Variants in PRDM15 observed in about 807,000 individuals in gnomAD.
PRDM15 encodes PR/SET domain 15.
Under a neutral mutation model 128.6 loss-of-function variants are expected in PRDM15, and 64 were observed. That is an observed-to-expected ratio of 0.50 (90% CI 0.41 to 0.61). The LOEUF (loss-of-function observed/expected upper bound fraction) is 0.61. Ranked by LOEUF, PRDM15 falls within the 20% of genes least tolerant of loss-of-function variation. The pLI, the probability that PRDM15 is intolerant of heterozygous loss-of-function variation, is 0.00. For synonymous variants in PRDM15, 615 were observed against 621.8 expected (o/e 0.99, Z 0.16); for missense variants, 1,242 against 1,569.1 (o/e 0.79, Z 3.52).
intron 5 of PRDM15, among the ~76,000 whole-genome samples, 192 bp from the exon 6 acceptor site, chr21:41,847,383 G>T (rs933374330): frequency 6.6e-6 from 1 of 152,118 alleles, no homozygotes; most frequent in South Asian, 2.1e-4. Flanking sequence ...TGATACGGTC[G>T]TGTGACTGTC....
chr21:41,865,094 AC>A (rs1164989190), intron 1 of PRDM15, among the ~76,000 whole-genome samples: 4 of 71,016 alleles, frequency 5.6e-5, no homozygotes, highest in South Asian at 4.2e-4. Flanking sequence ...CTCACTCCTC[AC>A]TCCCCAGCCC....
At chr21:41,824,080 G>A (rs28450351) in intron 13 of PRDM15, among the ~76,000 whole-genome samples, 53,449 of 152,076 alleles carry the variant, frequency 0.35, 9,630 homozygotes, top group East Asian at 0.57. Flanking sequence ...AAACCCCAGC[G>A]CTCCACAGAA....
Position 41,859,601 on chromosome 21 carries a change from C to A in PRDM15, c.122G>T (p.Ser41Ile). The change falls in exon 3 of 24, where the codon AGC (serine) becomes ATC (isoleucine). Residue 41 changes from serine (S) to isoleucine (I), a missense_variant. This residue lies in a region of PRDM15 where 612 missense variants were observed against 717.0 expected (regional missense o/e 0.85). Coordinates refer to ENST00000398548, the MANE Select transcript of PRDM15 (RefSeq NM_001040424.3). This position sits in a 1 kb window ranked among gnomAD's most constrained non-coding sequence, Gnocchi z 5.3. ...VVMVKDSFVL[S>I]RARSSLPPNL... The stretch of plus-strand genomic sequence containing the variant: ...CACGGCGGTCACTCACCTTGCCCTG[C>A]TTAACACAAAGGAGTCTTTGACCAT... 1.2e-6 allele frequency: 2 copies of A among 1,613,996 alleles called. No individual in the cohort carries two copies. The highest frequency in any genetic ancestry group is 1.7e-6 in the Non-Finnish European group (2 of 1,179,928).
At chr21:41,825,182 C>T (rs2062425114) in intron 13 of PRDM15, among the ~76,000 whole-genome samples, 1 of 152,266 alleles carries the variant, frequency 6.6e-6, no homozygotes, top group African/African-American at 2.4e-5. Context: ...TTACAGTCAC[C>T]TGAGTGAAAG....
At chr21:41,816,485 C>T (rs2062057455) in intron 18 of PRDM15, among the ~76,000 whole-genome samples, 1 of 152,164 alleles carries the variant, frequency 6.6e-6, no homozygotes, top group Non-Finnish European at 1.5e-5. Flanking sequence ...CAAAGGCAGC[C>T]TCCCCAGCCC....
At chr21:41,819,052 A>G (rs1351086147) in intron 18 of PRDM15, among the ~76,000 whole-genome samples, 1 of 152,214 alleles carries the variant, frequency 6.6e-6, no homozygotes, top group African/African-American at 2.4e-5. Flanking sequence ...TAGATCCTGC[A>G]TTATTTTCCT....
chr21:41,861,503 G>A, intron 1 of PRDM15: 6 of 1,418,016 alleles, frequency 4.2e-6, no homozygotes, highest in Non-Finnish European at 5.8e-6. Context: ...GATACACACA[G>A]TATGTGCCAC....
chr21:41,834,542 C>A (rs1246721953), intron 11 of PRDM15: 6 of 1,550,190 alleles, frequency 3.9e-6, no homozygotes, highest in Non-Finnish European at 5.2e-6. Flanking sequence ...CGGGCCCCCC[C>A]TCTCCAGGGT....
intron 13 of PRDM15, 133 bp downstream of exon 13, chr21:41,825,827 A>C (rs2062449152): frequency 1.5e-6 from 1 of 675,528 alleles, no homozygotes; most frequent in African/African-American, 1.8e-5. Flanking sequence ...ACACCAGTTT[A>C]AGACAACCTG....
chr21:41,804,783 G>A, intron 21 of PRDM15, 169 bp from the exon 22 acceptor site: 1 of 542,798 alleles, frequency 1.8e-6, no homozygotes, highest in South Asian at 2.2e-5. Flanking sequence ...GAAACTCTGT[G>A]TCCAGAAGCC....
intron 4 of PRDM15, among the ~76,000 whole-genome samples, chr21:41,856,424 T>C (rs2063637037): frequency 6.6e-6 from 1 of 151,606 alleles, no homozygotes; most frequent in South Asian, 2.1e-4. Flanking sequence ...TTCATCTGCC[T>C]GTCCTAAGAC....
At position 41,811,769 on chromosome 21, in the gene PRDM15, C is replaced by G. The variant is rs368412814; in HGVS notation, c.2393-933G>C. ...CGCGATCTCGGCTCACTGCAAGCTC[C>G]GCTTCCCGGGTTCAGGCCATTCTCC... is the stretch of plus-strand genomic sequence containing the variant. On this transcript the variant is annotated intron_variant, in intron 19 of 23. Transcript: ENST00000398548. This position sits in a 1 kb window ranked among gnomAD's most constrained non-coding sequence, Gnocchi z 4.1. 1 of 150,278 alleles carries G rather than the reference C, an allele frequency of 6.7e-6. No homozygotes were observed. The highest frequency in any genetic ancestry group is 1.5e-5 in the Non-Finnish European group (1 of 67,948). 9.3% of individuals were successfully genotyped at this position (150,278 alleles called of 1,614,324 possible).
intron 1 of PRDM15, chr21:41,861,994 G>C (rs375129130): frequency 2.1e-4 from 343 of 1,612,642 alleles, no homozygotes; most frequent in Non-Finnish European, 2.3e-4. Context: ...ATTCGGCCTT[G>C]CCTGCCCCAG....
chr21:41,826,005 C>T lies in PRDM15; in HGVS notation c.1584G>A (p.Leu528=). The part of the protein sequence containing the change: ...REDLEAGGEN[L]VRYKKEPSGC... ...CGGAAGGCTCCTTCTTGTAACGGAC[C>T]AGGTTCTCCCCACCGGCCTCCAGGT... is the stretch of plus-strand genomic sequence containing the variant. The change falls in exon 13 of 24, where the codon CTG becomes CTA. Residue 528 remains leucine (L), a synonymous_variant. Transcript: ENST00000398548. 1 of 1,614,156 alleles carries T rather than the reference C, an allele frequency of 6.2e-7. No individual in the cohort carries two copies. The highest frequency in any genetic ancestry group is 8.5e-7 in the Non-Finnish European group (1 of 1,180,034).
rs2061735363 is a variant in PRDM15 at position 41,807,977 on chromosome 21, T to TGACTA, written c.2652+2176_2652+2177insTAGTC. Among the ~76,000 whole-genome samples the TGACTA allele has an allele frequency of 2.0e-5, 3 of 152,136 alleles. No homozygotes were observed. The South Asian group carries it at 6.2e-4, about 32-fold the overall frequency. ...CTTGCAGTTGGGCCACCTTAGGAAG[T>TGACTA]GGTTTAATCCTGGTGAGAGGACTCT... is the stretch of plus-strand genomic sequence containing the variant. On this transcript the variant is annotated intron_variant, in intron 21 of 23. Transcript: ENST00000398548.
At chr21:41,878,634 T>G in intron 1 of PRDM15, 1 of 1,058,590 alleles carries the variant, frequency 9.4e-7, no homozygotes, top group Admixed American at 2.8e-5. Flanking sequence ...CTCGCTACCT[T>G]CTCTCTGCCA....
chr21:41,839,841 C>G lies in PRDM15; in HGVS notation c.653G>C (p.Gly218Ala). 6.2e-7 allele frequency: 1 copy of G among 1,614,144 alleles called. No individual in the cohort carries two copies. The highest frequency in any genetic ancestry group is 8.5e-7 in the Non-Finnish European group (1 of 1,179,994). Reference sequence around the variant, plus strand: ...AAGGCTTTTGGCTTGTTCTAAGTGGCCCAACAGATGTTCTGCAAAGAGAGA... The same window carrying G: ...AAGGCTTTTGGCTTGTTCTAAGTGGGCCAACAGATGTTCTGCAAAGAGAGA... ...ELQLLNEHLL[G>A]HLEQAKSLPP... is the part of the protein sequence containing the mutation. Residue 218 changes from glycine to alanine, a missense_variant, in exon 7 of 24, where the codon GGC (glycine) becomes GCC (alanine). Transcript: ENST00000398548.
At chr21:41,841,961 A>G (rs73361508) in intron 6 of PRDM15, among the ~76,000 whole-genome samples, 4,943 of 152,336 alleles carry the variant, frequency 0.032, 246 homozygotes, top group African/African-American at 0.11. Context: ...TGCAGCTAAC[A>G]TGGTTCTTAA....
At chr21:41,816,028 G>A (rs1248773055) in intron 18 of PRDM15, among the ~76,000 whole-genome samples, 192 bp from the exon 19 acceptor site, 1 of 152,226 alleles carries the variant, frequency 6.6e-6, no homozygotes, top group African/African-American at 2.4e-5. Context: ...GAGGCCGGGA[G>A]GGACTGACTG....
Sources: gnomAD v4.1 joint callset for allele counts (sites outside exome capture counted in the v4.1 genomes callset) on GRCh38, gnomAD v4.1.1 for gene constraint, gnomAD v4.1.1 regional missense constraint, Gnocchi (gnomAD v3.1) non-coding constraint, MANE v1.5 for transcripts, NCBI Gene and HGNC (gene_info 2026-07-23, HGNC 2026-07-21) for gene names.